Variants in SMURF2 observed in about 807,000 individuals in gnomAD.
SMURF2 encodes the protein E3 ubiquitin-protein ligase SMURF2.
A neutral mutation model predicts 109.6 loss-of-function variants in SMURF2; 48 were observed. The ratio of observed to expected loss-of-function variants is 0.44; its 90% CI spans 0.35 to 0.56. The LOEUF (loss-of-function observed/expected upper bound fraction) is 0.56. SMURF2 is among the 20% of genes least tolerant of loss of function. The probability of loss-of-function intolerance (pLI) is 0.01; values close to 1 mark genes in which losing one functional copy is unlikely to be tolerated. For synonymous variants in SMURF2, 288 were observed against 317.1 expected, an observed-to-expected ratio of 0.91 and a Z score of 0.97; for missense variants, 575 against 909.0, an observed-to-expected ratio of 0.63 and a Z score of 4.72.
intron 17 of SMURF2, 76 bp from the exon 18 acceptor site, chr17:64,546,414 G>A: frequency 1.6e-5 from 21 of 1,297,872 alleles, no homozygotes; most frequent in Non-Finnish European, 2.3e-5. Context: ...AATAAAACTG[G>A]TAAGTTAACC....
intron 11 of SMURF2, among the ~76,000 whole-genome samples, chr17:64,562,162 G>A (rs1265698580): frequency 2.0e-5 from 3 of 150,648 alleles, no homozygotes; most frequent in East Asian, 2.0e-4. Flanking sequence ...GCGTGGTAGC[G>A]TGTGCCTGTA....
intron 1 of SMURF2, among the ~76,000 whole-genome samples, chr17:64,656,437 G>T (rs1365288085): frequency 6.6e-6 from 1 of 152,140 alleles, no homozygotes; most frequent in Non-Finnish European, 1.5e-5. Flanking sequence ...TCTGCTTCAC[G>T]AATGTTTAAA....
chr17:64,583,525 C>A lies in SMURF2; in HGVS notation c.505G>T (p.Ala169Ser), dbSNP rs141070223. ...TTTAGATACTGGATTCTTCCAGAGGCGGTTCTCCTTTCTTCCCAGCTTAAA... is the reference window on the plus strand; with the variant it reads ...TTTAGATACTGGATTCTTCCAGAGGAGGTTCTCCTTTCTTCCCAGCTTAAA... ...LPDGWEERRT[A>S]SGRIQYLNHI... The change falls in exon 7 of 19, where the codon GCC (alanine) becomes TCC (serine). Residue 169 changes from alanine to serine, a missense_variant. By Grantham distance (99) the Ala-to-Ser change is moderately conservative. Coordinates refer to ENST00000262435, the MANE Select transcript of SMURF2 (RefSeq NM_022739.4). 3 of 1,613,732 alleles carry A rather than the reference C, an allele frequency of 1.9e-6. No individual in the cohort carries two copies. In the African/African-American group the frequency reaches 4.0e-5, roughly 22 times the overall value.
At position 64,571,975 on chromosome 17, in the gene SMURF2, A is replaced by T. The variant is rs1481630015; in HGVS notation, c.858-19T>A. 1 of 1,594,762 alleles carries T rather than the reference A, an allele frequency of 6.3e-7. No individual in the cohort carries two copies. Among genetic ancestry groups the T allele is most frequent in the African/African-American group, 1.4e-5 (1 of 73,958 alleles). ...AAGATCCCTGCAAAAACAAATATAA[A>T]ATAAAAAATACCTCATTGCTCGCCC... On this transcript the variant is annotated intron_variant, in intron 9 of 18. Transcript: ENST00000262435.
intron 1 of SMURF2, among the ~76,000 whole-genome samples, chr17:64,623,114 C>T (rs371184711): frequency 8.5e-5 from 13 of 152,220 alleles, no homozygotes; most frequent in African/African-American, 3.1e-4. Flanking sequence ...GGAAAATGCT[C>T]TAGGCTCATT....
chr17:64,601,019 C>A (rs1969887623), intron 2 of SMURF2, among the ~76,000 whole-genome samples: 1 of 151,950 alleles, frequency 6.6e-6, no homozygotes, highest in Admixed American at 6.6e-5. Context: ...GAGGCTGAGG[C>A]GAAAGGATCA....
chr17:64,654,409 A>C (rs192725756), intron 1 of SMURF2, among the ~76,000 whole-genome samples: 110 of 152,348 alleles, frequency 7.2e-4, no homozygotes, highest in Non-Finnish European at 1.2e-3. Context: ...GTATTTAAAA[A>C]ATTTTTAATG....
chr17:64,598,115 T>C (rs1424594563), intron 3 of SMURF2, among the ~76,000 whole-genome samples: 2 of 152,236 alleles, frequency 1.3e-5, no homozygotes, highest in African/African-American at 4.8e-5. Context: ...GGTGAATTAA[T>C]ACCTTTATTT....
At chr17:64,632,356 C>T (rs1555691729) in intron 1 of SMURF2, among the ~76,000 whole-genome samples, 1 of 152,142 alleles carries the variant, frequency 6.6e-6, no homozygotes, top group Non-Finnish European at 1.5e-5. Flanking sequence ...CTCAGATGTC[C>T]GGAGCTAGAC....
At chr17:64,615,099 T>C (rs1398198427) in intron 1 of SMURF2, among the ~76,000 whole-genome samples, 1 of 152,202 alleles carries the variant, frequency 6.6e-6, no homozygotes, top group African/African-American at 2.4e-5. Flanking sequence ...AGAAAGAGAA[T>C]GCTATGCTTG....
chr17:64,632,654 A>G (rs1970366709), intron 1 of SMURF2, among the ~76,000 whole-genome samples: 1 of 152,238 alleles, frequency 6.6e-6, no homozygotes, highest in Non-Finnish European at 1.5e-5. Context: ...AAATGAGACA[A>G]GTCTTGGGGA....
At chr17:64,579,944 G>C (rs1969555925) in intron 8 of SMURF2, among the ~76,000 whole-genome samples, 1 of 152,174 alleles carries the variant, frequency 6.6e-6, no homozygotes, top group Admixed American at 6.5e-5. Context: ...TCAAATTAAA[G>C]AGCTAAAATA....
chr17:64,593,491 C>T lies in SMURF2; in HGVS notation c.283G>A (p.Gly95Ser), dbSNP rs137900978. The change falls in exon 4 of 19, where the codon GGT becomes AGT. Residue 95 changes from glycine to serine, a missense_variant. Coordinates refer to ENST00000262435, the MANE Select transcript of SMURF2 (RefSeq NM_022739.4). ...IHKKQGAGFL[G>S]CVRLLSNAIN... ...GCATTGGAAAGAAGACGAACACAAC[C>T]GAGAAATCCAGCACCTTGTTTCTTA... 6 of 1,609,950 alleles carry T rather than the reference C, an allele frequency of 3.7e-6. No individual in the cohort carries two copies. Among genetic ancestry groups the T allele is most frequent in the African/African-American group, 1.3e-5 (1 of 74,746 alleles).
At chr17:64,607,496 T>C (rs1969986465) in intron 1 of SMURF2, among the ~76,000 whole-genome samples, 1 of 151,132 alleles carries the variant, frequency 6.6e-6, no homozygotes, top group Non-Finnish European at 1.5e-5. Flanking sequence ...CGTGGTGGCG[T>C]GCGCCTGTAG....
chr17:64,572,440 C>T (rs1969410675), intron 9 of SMURF2, among the ~76,000 whole-genome samples: 1 of 152,074 alleles, frequency 6.6e-6, no homozygotes, highest in African/African-American at 2.4e-5. Context: ...AATTATGATC[C>T]TGAAAATAAT....
intron 10 of SMURF2, among the ~76,000 whole-genome samples, chr17:64,567,772 T>G (rs1969334771): frequency 6.6e-6 from 1 of 151,062 alleles, no homozygotes; most frequent in Non-Finnish European, 1.5e-5. Context: ...AACCTCCACC[T>G]CCCAGGTTCA....
chr17:64,657,504 C>T (rs977820147), intron 1 of SMURF2, among the ~76,000 whole-genome samples: 24 of 149,644 alleles, frequency 1.6e-4, no homozygotes, highest in Non-Finnish European at 3.4e-4. Flanking sequence ...CCAGCCTGGG[C>T]AACCTGGAGA....
intron 3 of SMURF2, among the ~76,000 whole-genome samples, chr17:64,594,314 A>G (rs1555687910): frequency 6.6e-6 from 1 of 152,232 alleles, no homozygotes; most frequent in East Asian, 1.9e-4. Flanking sequence ...TTAAAGTATC[A>G]TTCAATAAAT....
At chr17:64,598,917 C>A (rs1426416791) in intron 2 of SMURF2, among the ~76,000 whole-genome samples, 2 of 152,080 alleles carry the variant, frequency 1.3e-5, no homozygotes, top group Non-Finnish European at 2.9e-5. Context: ...ACACAGGCTA[C>A]AGAGAAATCA....
Sources: gnomAD v4.1 joint callset for allele counts (sites outside exome capture counted in the v4.1 genomes callset) on GRCh38, gnomAD v4.1.1 for gene constraint, MANE v1.5 for transcripts, NCBI Gene and HGNC (gene_info 2026-07-23, HGNC 2026-07-21) for gene names.